HAGHL: variants seen among roughly 807,000 people sequenced by gnomAD.
HAGHL encodes hydroxyacylglutathione hydrolase like.
HAGHL carries 27 observed loss-of-function variants against 29.2 expected under a neutral mutation model. The ratio of observed to expected loss-of-function variants is 0.92; its 90% CI spans 0.68 to 1.27. HAGHL has a LOEUF of 1.27. Ranked by LOEUF, HAGHL falls within the 50% of genes most tolerant of loss-of-function variation. The pLI, the probability that HAGHL is intolerant of heterozygous loss-of-function variation, is 0.00. For synonymous variants in HAGHL, 223 were observed against 185.7 expected, an observed-to-expected ratio of 1.20 and a Z score of -1.63; for missense variants, 529 against 405.5, an observed-to-expected ratio of 1.30 and a Z score of -2.62.
rs755242305 is a variant in HAGHL, at chr16:727,567, G to A, written c.58G>A (p.Glu20Lys). The change falls in exon 1 of 8, where the codon GAG (glutamate) becomes AAG (lysine). Residue 20 changes from glutamate to lysine, a missense_variant. Transcript: ENST00000389703. Reference sequence around the variant, plus strand: ...CAACTACATGTACCTGGTCATCGAGGAGCTCACGCGCGAGGCGGTGGCCGT... The same window carrying A: ...CAACTACATGTACCTGGTCATCGAGAAGCTCACGCGCGAGGCGGTGGCCGT... ...EDNYMYLVIE[E>K]LTREAVAVDV... 3.4e-5 allele frequency: 55 copies of A among 1,611,898 alleles called. No homozygotes were observed. The highest frequency in any genetic ancestry group is 4.3e-5 in the Non-Finnish European group (51 of 1,179,520).
intron 1 of HAGHL, 88 bp from the exon 2 acceptor site, chr16:727,877 G>C (rs1338301895): frequency 7.2e-7 from 1 of 1,388,420 alleles, no homozygotes; most frequent in Non-Finnish European, 1.0e-6. Context: ...GCTCTGGCCG[G>C]CCTGGGGCAG....
At chr16:728,924 G>T in intron 6 of HAGHL, 29 bp downstream of exon 6, 1 of 1,302,252 alleles carries the variant, frequency 7.7e-7, no homozygotes, top group East Asian at 4.1e-5. Context: ...CGCGGCAAGA[G>T]GGTGGGGGGG....
intron 6 of HAGHL, 48 bp from the exon 7 acceptor site, chr16:728,961 G>T (rs371593290): frequency 1.1e-4 from 100 of 875,204 alleles, no homozygotes; most frequent in East Asian, 1.8e-4. Context: ...GGGTGGGGGG[G>T]GCTCTCAGAC....
intron 1 of HAGHL, 89 bp from the exon 2 acceptor site, chr16:727,876 G>A (rs770299646): frequency 3.0e-5 from 41 of 1,380,818 alleles, no homozygotes; most frequent in Non-Finnish European, 4.0e-5. Flanking sequence ...GGCTCTGGCC[G>A]GCCTGGGGCA....
At chr16:727,885 C>A in intron 1 of HAGHL, 80 bp from the exon 2 acceptor site, 1 of 1,421,124 alleles carries the variant, frequency 7.0e-7, no homozygotes, top group Non-Finnish European at 9.7e-7. Flanking sequence ...CGGCCTGGGG[C>A]AGTGAGCGCG....
intron 7 of HAGHL, 78 bp from the exon 8 acceptor site, chr16:729,210 T>C: frequency 6.4e-7 from 1 of 1,552,520 alleles, no homozygotes; most frequent in Non-Finnish European, 8.7e-7. Context: ...ATTAAGTGCC[T>C]GCCTGCCCGC....
At position 728,034 on chromosome 16, in the gene HAGHL, G is replaced by C. The variant is rs973991656; in HGVS notation, c.170+5G>C. The C allele has an allele frequency of 1.3e-6, 2 of 1,584,736 alleles. No homozygotes were observed. Among genetic ancestry groups the C allele is most frequent in the Non-Finnish European group, 1.7e-6 (2 of 1,169,474 alleles). ...GCTGACCACCCACCATCACTGGTGA[G>C]CGCCGGCGGGGCGCGGGGAGGCACG... On this transcript the variant is annotated splice_donor_5th_base_variant and intron_variant, in intron 2 of 7. Coordinates refer to ENST00000389703, the MANE Select transcript of HAGHL (RefSeq NM_032304.4).
intron 7 of HAGHL, 91 bp from the exon 8 acceptor site, chr16:729,197 C>T (rs1340692042): frequency 2.6e-6 from 4 of 1,561,966 alleles, no homozygotes; most frequent in African/African-American, 1.3e-5. Context: ...GGGGAGGCTG[C>T]TCATTAAGTG....
chr16:727,872 G>A, intron 1 of HAGHL, 93 bp from the exon 2 acceptor site: 1 of 1,357,696 alleles, frequency 7.4e-7, no homozygotes, highest in Non-Finnish European at 1.0e-6. Context: ...CCGGGGCTCT[G>A]GCCGGCCTGG....
Position 728,227 on chromosome 16 carries a change from G to A in HAGHL, c.282G>A (p.Glu94=), listed in dbSNP as rs775202151. The change falls in exon 3 of 8, where the codon GAG becomes GAA. Residue 94 remains glutamate (E), a synonymous_variant. Transcript: ENST00000389703. The part of the protein sequence containing the change: ...SLTRRLAHGE[E]LRFGAIHVRC... ...CGCGCAGGCTGGCGCACGGCGAGGAGCTGCGGGTGAGCGCGCGCTCCCGGG... is the reference window on the plus strand; with the variant it reads ...CGCGCAGGCTGGCGCACGGCGAGGAACTGCGGGTGAGCGCGCGCTCCCGGG... 3.9e-5 allele frequency: 58 copies of A among 1,475,200 alleles called. No individual in the cohort carries two copies. In the Admixed American group the frequency reaches 1.3e-3, roughly 34 times the overall value. 91.4% of individuals were successfully genotyped at this position (1,475,200 alleles called of 1,614,324 possible).
At position 729,274 on chromosome 16, in the gene HAGHL, A is replaced by T; in HGVS notation, c.681-14A>T. ...GGCAGCGGGCCCTGCGCCTCACTGC[A>T]CCCCTCCCTGCAGAGAGGAGCCGGT... On this transcript the variant is annotated splice_polypyrimidine_tract_variant and intron_variant, in intron 7 of 7. Coordinates refer to ENST00000389703, the MANE Select transcript of HAGHL (RefSeq NM_032304.4). 6.6e-7 allele frequency: 1 copy of T among 1,515,072 alleles called. No individual in the cohort carries two copies. Among genetic ancestry groups the T allele is most frequent in the Non-Finnish European group, 8.8e-7 (1 of 1,132,554 alleles). 93.9% of individuals were successfully genotyped at this position (1,515,072 alleles called of 1,614,324 possible).
chr16:728,954 T>TG (rs368040005), intron 6 of HAGHL, 55 bp from the exon 7 acceptor site: 7,860 of 360,142 alleles, frequency 0.022, 221 homozygotes, highest in African/African-American at 0.16. Context: ...GGCTTCGGGG[T>TG]GGGGGGGGCT....
Position 729,473 on chromosome 16 carries a change from C to A in HAGHL, c.*17C>A, listed in dbSNP as rs1489027338. 10 of 1,539,186 alleles carry A rather than the reference C, an allele frequency of 6.5e-6. No homozygotes were observed. Among genetic ancestry groups the A allele is most frequent in the Non-Finnish European group, 8.7e-6 (10 of 1,146,174 alleles). On this transcript the variant is annotated 3_prime_UTR_variant, in exon 8 of 8. Transcript: ENST00000389703. ...CACGACTGAGCCACCCAGACCCTCA[C>A]AGGGCTGGGGCCTGCGTCCCTCCTC...
chr16:728,923 A>C, intron 6 of HAGHL, 28 bp downstream of exon 6: 6 of 341,778 alleles, frequency 1.8e-5, no homozygotes, highest in Non-Finnish European at 2.0e-5. Context: ...CCGCGGCAAG[A>C]GGGTGGGGGG....
In HAGHL at chr16:729,634, G is replaced by A; in HGVS notation, c.*178G>A. The A allele has an allele frequency of 6.6e-7, 1 of 1,520,674 alleles. No individual in the cohort carries two copies. The highest frequency in any genetic ancestry group is 8.8e-7 in the Non-Finnish European group (1 of 1,138,600). The allele number at this position is 1,520,674 out of a possible 1,614,324, so 94.2% of individuals were successfully genotyped here. A position where few individuals can be genotyped will look rare whatever the true frequency, so the allele number is the denominator to read the frequency against. ...TGGACACACAGGACCACTCAGTGGG[G>A]CCTGTGTGGGCGCCGAGACCTGGGT... is the stretch of plus-strand genomic sequence containing the variant. On this transcript the variant is annotated 3_prime_UTR_variant, in exon 8 of 8. Transcript: ENST00000389703.
rs1344645539 is a variant in HAGHL at position 727,376 on chromosome 16, G to A, written c.-134G>A. ...TCCTGGGGAGCCGGGCTTCTCTTTT[G>A]GCCCCCAGCGTGTTGACCGAGCCCG... On this transcript the variant is annotated 5_prime_UTR_variant, in exon 1 of 8. Coordinates refer to ENST00000389703, the MANE Select transcript of HAGHL (RefSeq NM_032304.4). The A allele has an allele frequency of 1.8e-6, 1 of 564,766 alleles. No homozygotes were observed. The highest frequency in any genetic ancestry group is 2.0e-5 in the African/African-American group (1 of 50,678). 35.0% of individuals were successfully genotyped at this position (564,766 alleles called of 1,614,324 possible).
rs1243586490 is a variant in HAGHL at position 728,351 on chromosome 16, C to T, written c.324C>T (p.Pro108=). 1 of 1,574,156 alleles carries T rather than the reference C, an allele frequency of 6.4e-7. No homozygotes were observed. The highest frequency in any genetic ancestry group is 1.2e-5 in the South Asian group (1 of 86,398). ...TCCACGTGCGTTGCCTCCTGACGCC[C>T]GGCCACACCGCCGGCCACATGAGCT... ...GAIHVRCLLT[P]GHTAGHMSYF... Residue 108 remains proline, a synonymous_variant, in exon 4 of 8, where the codon CCC becomes CCT. Transcript: ENST00000389703.
chr16:727,434 G>A lies in HAGHL; in HGVS notation c.-76G>A. On this transcript the variant is annotated 5_prime_UTR_variant, in exon 1 of 8. Coordinates refer to ENST00000389703, the MANE Select transcript of HAGHL (RefSeq NM_032304.4). The stretch of plus-strand genomic sequence containing the variant: ...CAGCCCTTCCTAGGGTGTGGAGAGC[G>A]GGCCCCGCCCTGAAGGGGCACCGTG... The A allele has an allele frequency of 1.2e-6, 1 of 833,672 alleles. No individual in the cohort carries two copies. The highest frequency in any genetic ancestry group is 2.7e-5 in the East Asian group (1 of 37,182). The allele number at this position is 833,672 out of a possible 1,614,324, so 51.6% of individuals were successfully genotyped here.
chr16:727,837 C>G, intron 1 of HAGHL, 128 bp from the exon 2 acceptor site: 1 of 1,046,174 alleles, frequency 9.6e-7, no homozygotes, highest in South Asian at 1.5e-5. Flanking sequence ...TCACCGCCCG[C>G]TGGGTCCCCG....
Sources: gnomAD v4.1 joint callset for allele counts on GRCh38, gnomAD v4.1.1 for gene constraint, MANE v1.5 for transcripts, NCBI Gene and HGNC (gene_info 2026-07-23, HGNC 2026-07-21) for gene names.